CAPN7: variants seen among roughly 807,000 people sequenced by gnomAD.
The protein encoded by CAPN7 is calpain 7.
In CAPN7, 72 loss-of-function variants were observed where a neutral mutation model predicts 115.2. That is an observed-to-expected ratio of 0.63 (90% CI 0.52 to 0.76). CAPN7 has a LOEUF of 0.76. Among genes scored for constraint, CAPN7 ranks in the 30% least tolerant of loss-of-function variants. CAPN7 has a pLI of 0.00. For synonymous variants in CAPN7, 344 were observed against 322.3 expected (o/e 1.07, Z -0.72); for missense variants, 905 against 971.5 (o/e 0.93, Z 0.91).
At chr3:15,239,726 T>C (rs1415132276) in intron 12 of CAPN7, among the ~76,000 whole-genome samples, 1 of 152,228 alleles carries the variant, frequency 6.6e-6, no homozygotes, top group African/African-American at 2.4e-5. Flanking sequence ...GGACACATCA[T>C]AATCTTCATT....
Position 15,233,881 on chromosome 3 carries a change from T to C in CAPN7, c.1194T>C (p.His398=). Residue 398 remains histidine (H), a synonymous_variant, in exon 11 of 21, where the codon CAT becomes CAC. Coordinates refer to ENST00000253693, the MANE Select transcript of CAPN7 (RefSeq NM_014296.3). Reference sequence around the variant, plus strand: ...TTCTGTTGCAGAATATTGATCTTCATGCACTGACTGGCTGGATACCAGAAA... The same window carrying C: ...TTCTGTTGCAGAATATTGATCTTCACGCACTGACTGGCTGGATACCAGAAA... ...FPGSNSNIDL[H]ALTGWIPERI... The C allele has an allele frequency of 6.3e-7, 1 of 1,592,332 alleles. No homozygotes were observed. The highest frequency in any genetic ancestry group is 1.1e-5 in the South Asian group (1 of 90,324).
chr3:15,246,752 T>TA lies in CAPN7; in HGVS notation c.2032dup (p.Thr678AsnfsTer16). On this transcript the variant is annotated frameshift_variant, in exon 18 of 21. Coordinates refer to ENST00000253693, the MANE Select transcript of CAPN7 (RefSeq NM_014296.3). LOFTEE classifies it high-confidence loss of function. ...TCTAGGTATATTCAGCATGCAGCTT[T>TA]ACTTTTTCAAAGATTCCTTCACCAT... is the stretch of plus-strand genomic sequence containing the variant. The TA allele has an allele frequency of 6.2e-7, 1 of 1,608,804 alleles. No individual in the cohort carries two copies. The highest frequency in any genetic ancestry group is 8.5e-7 in the Non-Finnish European group (1 of 1,176,190).
At position 15,232,606 on chromosome 3, in the gene CAPN7, C is replaced by G; in HGVS notation, c.1120C>G (p.Leu374Val). 6.2e-7 allele frequency: 1 copy of G among 1,612,668 alleles called. No individual in the cohort carries two copies. Among genetic ancestry groups the G allele is most frequent in the Non-Finnish European group, 8.5e-7 (1 of 1,179,350 alleles). Residue 374 changes from leucine (L) to valine (V), a missense_variant, in exon 10 of 21, where the codon CTC (leucine) becomes GTC (valine). Leu to Val is a conservative substitution (Grantham distance 32, BLOSUM62 1). Around this residue, in one of 3 missense-constraint regions of CAPN7, gnomAD observed 620 missense variants for 703.4 expected, o/e 0.88. Coordinates refer to ENST00000253693, the MANE Select transcript of CAPN7 (RefSeq NM_014296.3). The part of the protein sequence containing the change: ...SNNKSELWVS[L>V]IEKAYMKVMG... Reference sequence around the variant, plus strand: ...CAACAAAAGTGAATTATGGGTTTCTCTCATAGAAAAAGCATACATGAAAGT... The same window carrying G: ...CAACAAAAGTGAATTATGGGTTTCTGTCATAGAAAAAGCATACATGAAAGT...
intron 14 of CAPN7, 25 bp downstream of exon 14, chr3:15,240,878 A>T (rs778030271): frequency 7.5e-7 from 1 of 1,335,464 alleles, no homozygotes; most frequent in Non-Finnish European, 1.1e-6. Flanking sequence ...ATTGCAGAGT[A>T]TGCTTTATAA....
chr3:15,206,547 G>A lies in CAPN7; in HGVS notation c.52G>A (p.Val18Ile). The change falls in exon 1 of 21, where the codon GTT (valine) becomes ATT (isoleucine). Residue 18 changes from valine (V) to isoleucine (I), a missense_variant. By Grantham distance (29) the Val-to-Ile change is conservative. This residue lies in a region of CAPN7 where 271 missense variants were observed against 239.6 expected (regional missense o/e 1.13). Transcript: ENST00000253693. ...CGCTGTGCAGTTCGCCCGTCTGGCGGTTCAGCGCGACCACGAAGGCCGCTA... is the reference window on the plus strand; with the variant it reads ...CGCTGTGCAGTTCGCCCGTCTGGCGATTCAGCGCGACCACGAAGGCCGCTA... ...RDAVQFARLAVQRDHEGRYSE... is the reference protein window; with the variant it reads ...RDAVQFARLAIQRDHEGRYSE... The A allele has an allele frequency of 6.4e-7, 1 of 1,556,622 alleles. No homozygotes were observed. Among genetic ancestry groups the A allele is most frequent in the Non-Finnish European group, 8.7e-7 (1 of 1,150,544 alleles).
intron 2 of CAPN7, among the ~76,000 whole-genome samples, chr3:15,213,127 TATC>T (rs1008813065): frequency 6.6e-6 from 1 of 152,232 alleles, no homozygotes; most frequent in Non-Finnish European, 1.5e-5. Context: ...GTATTCAAAA[TATC>T]ATATAAAATT....
intron 1 of CAPN7, among the ~76,000 whole-genome samples, chr3:15,207,046 G>A (rs2044670163): frequency 6.6e-6 from 1 of 152,228 alleles, no homozygotes; most frequent in Admixed American, 6.5e-5. Context: ...TGCGTCCTTA[G>A]CGATGTGATA....
At chr3:15,238,162 G>T (rs1695112919) in intron 12 of CAPN7, among the ~76,000 whole-genome samples, 1 of 120,480 alleles carries the variant, frequency 8.3e-6, no homozygotes, top group Admixed American at 1.1e-4. Flanking sequence ...CGCCCAGGCT[G>T]GAGTGCAGTG....
intron 1 of CAPN7, 101 bp downstream of exon 1, chr3:15,206,698 G>A (rs955241427): frequency 3.5e-6 from 3 of 866,962 alleles, no homozygotes; most frequent in African/African-American, 1.8e-5. Context: ...TAGCGGCCCC[G>A]GCTTTGCTTT....
At chr3:15,213,261 A>G (rs904713589) in intron 2 of CAPN7, among the ~76,000 whole-genome samples, 2 of 152,244 alleles carry the variant, frequency 1.3e-5, no homozygotes, top group African/African-American at 4.8e-5. Flanking sequence ...TAGGGAAGGT[A>G]GTCTTTCATG....
intron 1 of CAPN7, among the ~76,000 whole-genome samples, chr3:15,210,492 G>A (rs1007547689): frequency 2.1e-5 from 3 of 143,654 alleles, no homozygotes; most frequent in African/African-American, 8.8e-5. Context: ...CTCTGAAATA[G>A]TTATAGAATC....
intron 17 of CAPN7, 128 bp from the exon 18 acceptor site, chr3:15,246,604 T>G: frequency 1.5e-6 from 1 of 676,566 alleles, no homozygotes; most frequent in Non-Finnish European, 2.6e-6. Context: ...AAACCTGACC[T>G]GATACTAGGC....
chr3:15,212,242 C>G (rs772015323), intron 2 of CAPN7, 30 bp downstream of exon 2: 2 of 1,265,886 alleles, frequency 1.6e-6, no homozygotes, highest in East Asian at 2.4e-5. Flanking sequence ...ACTTGTCACT[C>G]TATTTTTTCT....
chr3:15,212,244 A>G (rs1419528645), intron 2 of CAPN7, 32 bp downstream of exon 2: 8 of 1,258,742 alleles, frequency 6.4e-6, no homozygotes, highest in East Asian at 2.5e-5. Flanking sequence ...TTGTCACTCT[A>G]TTTTTTCTTT....
rs763015591 is a variant in CAPN7 at position 15,240,851 on chromosome 3, C to G, written c.1650C>G (p.His550Gln). The change falls in exon 14 of 21, where the codon CAC (histidine) becomes CAG (glutamine). Residue 550 changes from histidine to glutamine, a missense_variant and splice_region_variant. By Grantham distance (24) the His-to-Gln change is conservative. This residue lies in a region of CAPN7 where 620 missense variants were observed against 703.4 expected (regional missense o/e 0.88). Transcript: ENST00000253693. The stretch of plus-strand genomic sequence containing the variant: ...TTTTTAAAGAATCAACATGTATTCA[C>G]AGGTAACTTTTTGCACATTGCAGAG... ...PGLFKESTCIHSTWDAKQGPV... is the reference protein window; with the variant it reads ...PGLFKESTCIQSTWDAKQGPV... 6.3e-7 allele frequency: 1 copy of G among 1,588,478 alleles called. No homozygotes were observed. The highest frequency in any genetic ancestry group is 8.6e-7 in the Non-Finnish European group (1 of 1,157,644).
In CAPN7 at chr3:15,206,501, C is replaced by T. The variant is rs1575141106; in HGVS notation, c.6C>T (p.Asp2=). 6.5e-7 allele frequency: 1 copy of T among 1,547,416 alleles called. No individual in the cohort carries two copies. Among genetic ancestry groups the T allele is most frequent in the South Asian group, 1.2e-5 (1 of 83,792 alleles). Residue 2 remains aspartate, a synonymous_variant, in exon 1 of 21, where the codon GAC becomes GAT. Coordinates refer to ENST00000253693, the MANE Select transcript of CAPN7 (RefSeq NM_014296.3). M[D]ATALERDAVQ... Reference sequence around the variant, plus strand: ...CGGCGCGGGGCCACTGCGCCATGGACGCCACAGCACTGGAGCGGGACGCTG... The same window carrying T: ...CGGCGCGGGGCCACTGCGCCATGGATGCCACAGCACTGGAGCGGGACGCTG...
At chr3:15,215,391 A>G (rs1205316719) in intron 2 of CAPN7, among the ~76,000 whole-genome samples, 1 of 152,254 alleles carries the variant, frequency 6.6e-6, no homozygotes, top group Non-Finnish European at 1.5e-5. Flanking sequence ...TATATAATTC[A>G]GGTGTTTTTA....
At chr3:15,230,848 G>A (rs564637183) in intron 9 of CAPN7, among the ~76,000 whole-genome samples, 2 of 152,276 alleles carry the variant, frequency 1.3e-5, no homozygotes, top group East Asian at 1.9e-4. Flanking sequence ...TTGATTAAAA[G>A]GAAATCAGAC....
At position 15,206,258 on chromosome 3, in the gene CAPN7, G is replaced by T; in HGVS notation, c.-238G>T. The T allele has an allele frequency of 2.5e-6, 1 of 395,752 alleles. No individual in the cohort carries two copies. The highest frequency in any genetic ancestry group is 3.9e-5 in the South Asian group (1 of 25,460). 24.5% of individuals were successfully genotyped at this position (395,752 alleles called of 1,614,324 possible). A position where few individuals can be genotyped will look rare whatever the true frequency, so the allele number is the denominator to read the frequency against. On this transcript the variant is annotated 5_prime_UTR_variant, in exon 1 of 21. Transcript: ENST00000253693. Reference sequence around the variant, plus strand: ...TGGTGGGCGGGGCGAGGGCCGCTGGGGCCGCGAAGTGGGGCGGCCGGGTGG... The same window carrying T: ...TGGTGGGCGGGGCGAGGGCCGCTGGTGCCGCGAAGTGGGGCGGCCGGGTGG...
Sources: allele counts gnomAD v4.1 joint callset (sites outside exome capture counted in the v4.1 genomes callset), GRCh38; gene constraint gnomAD v4.1.1; regional missense constraint gnomAD v4.1.1; transcripts MANE v1.5; gene names NCBI Gene and HGNC (gene_info 2026-07-23, HGNC 2026-07-21).